The following TMTC1 variants were observed in gnomAD, a reference collection of about 807,000 sequenced individuals.
TMTC1 encodes the protein protein O-mannosyl-transferase TMTC1.
TMTC1 carries 73 observed loss-of-function variants against 104.8 expected under a neutral mutation model. That is an observed-to-expected ratio of 0.70 (90% confidence interval 0.58 to 0.85). The LOEUF (loss-of-function observed/expected upper bound fraction) is 0.85. Ranked by LOEUF, TMTC1 falls within the 40% of genes least tolerant of loss-of-function variation. The pLI is 0.00. For missense variants in TMTC1, 1,035 were observed against 1,096.1 expected (o/e 0.94, Z 0.79); for synonymous variants, 434 against 428.7 (o/e 1.01, Z -0.15).
chr12:29,512,845 G>A (rs1203971777), intron 16 of TMTC1, among the ~76,000 whole-genome samples: 3 of 152,156 alleles, frequency 2.0e-5, no homozygotes, highest in Non-Finnish European at 4.4e-5. Flanking sequence ...GTGGTCACCT[G>A]AAATAAAGCC....
intron 2 of TMTC1, among the ~76,000 whole-genome samples, chr12:29,764,600 T>G (rs1264413996): frequency 2.0e-5 from 3 of 152,204 alleles, no homozygotes; most frequent in Admixed American, 6.5e-5. Flanking sequence ...AAACTTGAAT[T>G]GAAATCCATG....
chr12:29,526,892 AT>A (rs1034758154), intron 11 of TMTC1, among the ~76,000 whole-genome samples: 52 of 152,308 alleles, frequency 3.4e-4, no homozygotes, highest in African/African-American at 1.2e-3. Context: ...GAATCTCATA[AT>A]TTTGGAACAT....
chr12:29,756,157 AT>A (rs1943210632), intron 3 of TMTC1, among the ~76,000 whole-genome samples: 1 of 152,252 alleles, frequency 6.6e-6, no homozygotes, highest in African/African-American at 2.4e-5. Flanking sequence ...ATATGAAAAG[AT>A]GTTTAAGTGA....
chr12:29,567,476 T>C (rs912821355), intron 9 of TMTC1, among the ~76,000 whole-genome samples: 1 of 152,190 alleles, frequency 6.6e-6, no homozygotes, highest in Non-Finnish European at 1.5e-5. Context: ...ACAGCATATA[T>C]ATACTGAGAA....
chr12:29,650,058 C>T (rs903015647), intron 5 of TMTC1, among the ~76,000 whole-genome samples: 8 of 151,584 alleles, frequency 5.3e-5, no homozygotes, highest in African/African-American at 1.9e-4. Flanking sequence ...CATCTTCTTA[C>T]TTAACTTTCT....
rs1012043052 is a variant in TMTC1, at chr12:29,728,736, C to T, written c.938+22930G>A. Among the ~76,000 whole-genome samples, 18 of 151,948 alleles carry T rather than the reference C, an allele frequency of 1.2e-4. No individual in the cohort carries two copies. In the South Asian group the frequency reaches 2.1e-3, roughly 18 times the overall value. On this transcript the variant is annotated intron_variant, in intron 5 of 17. Coordinates refer to ENST00000539277, the MANE Select transcript of TMTC1 (RefSeq NM_001193451.2). ...TGCTCTGGCAAGGCGCAGTGGCTTACGCCTGTAATCTCAGCACTTTGGGAG... is the reference window on the plus strand; with the variant it reads ...TGCTCTGGCAAGGCGCAGTGGCTTATGCCTGTAATCTCAGCACTTTGGGAG...
chr12:29,776,317 T>C (rs1288532740), intron 1 of TMTC1, among the ~76,000 whole-genome samples: 3 of 152,168 alleles, frequency 2.0e-5, no homozygotes, highest in Non-Finnish European at 2.9e-5. Flanking sequence ...CCAATAGAAA[T>C]TCAAAGTCAT....
chr12:29,725,465 C>A (rs1382227170), intron 5 of TMTC1, among the ~76,000 whole-genome samples: 1 of 152,096 alleles, frequency 6.6e-6, no homozygotes, highest in Admixed American at 6.5e-5. Context: ...TCCCAAGTAG[C>A]TGGGATTATA....
intron 6 of TMTC1, among the ~76,000 whole-genome samples, chr12:29,611,522 G>T (rs1331309555): frequency 6.6e-6 from 1 of 152,160 alleles, no homozygotes; most frequent in African/African-American, 2.4e-5. Context: ...CTAGTGAGGA[G>T]ATAAGGTAAT....
At chr12:29,708,077 A>G (rs985060116) in intron 5 of TMTC1, among the ~76,000 whole-genome samples, 3 of 152,374 alleles carry the variant, frequency 2.0e-5, no homozygotes, top group Non-Finnish European at 2.9e-5. Context: ...TATGCCAGGC[A>G]GTGTGCCCAG....
In TMTC1 at chr12:29,505,046, A is replaced by T. The variant is rs1943668214; in HGVS notation, c.*1800T>A. 1 of 152,210 alleles carries T rather than the reference A, an allele frequency of 6.6e-6. No homozygotes were observed. Among genetic ancestry groups the T allele is most frequent in the Admixed American group, 6.5e-5 (1 of 15,280 alleles). The allele number at this position is 152,210 out of a possible 1,614,324, so 9.4% of individuals were successfully genotyped here. On this transcript the variant is annotated 3_prime_UTR_variant, in exon 18 of 18. Transcript: ENST00000539277. ...AAACAAATGGTTGTAGTGGTAACATATACATTCTTGGATTACTGTTGCACA... is the reference window on the plus strand; with the variant it reads ...AAACAAATGGTTGTAGTGGTAACATTTACATTCTTGGATTACTGTTGCACA...
intron 9 of TMTC1, among the ~76,000 whole-genome samples, chr12:29,561,553 T>A (rs117557868): frequency 1.3e-5 from 2 of 152,316 alleles, no homozygotes; most frequent in East Asian, 3.9e-4. Context: ...GTGTGTAAGA[T>A]TTACATACGT....
intron 11 of TMTC1, chr12:29,535,965 C>T: frequency 2.1e-6 from 1 of 468,008 alleles, no homozygotes; most frequent in Non-Finnish European, 3.7e-6. Flanking sequence ...GATTCTGTAC[C>T]AAAGTGAGAG....
intron 5 of TMTC1, among the ~76,000 whole-genome samples, chr12:29,688,824 C>T (rs1300431904): frequency 6.6e-6 from 1 of 152,072 alleles, no homozygotes; most frequent in Non-Finnish European, 1.5e-5. Flanking sequence ...AACCCCCAAC[C>T]CCCTCCCCTA....
rs146162779 is a variant in TMTC1 at position 29,758,712 on chromosome 12, C to T, written c.546G>A (p.Ser182=). The T allele has an allele frequency of 3.4e-5, 55 of 1,613,180 alleles. No individual in the cohort carries two copies. The highest frequency in any genetic ancestry group is 2.1e-4 in the African/African-American group (16 of 74,916). Residue 182 remains serine, a synonymous_variant, in exon 3 of 18, where the codon TCG becomes TCA. Transcript: ENST00000539277. ...TTCTTAGCTACACATACCTGTTGTACGAGAGAAAGGCCAATAGAAACAGCA... is the reference window on the plus strand; with the variant it reads ...TTCTTAGCTACACATACCTGTTGTATGAGAGAAAGGCCAATAGAAACAGCA... The part of the protein sequence containing the change: ...ACLLFLLAFL[S]YNRSLDQGCV...
rs551921707 is a variant in TMTC1, at chr12:29,505,084, T to A, written c.*1762A>T. On this transcript the variant is annotated 3_prime_UTR_variant, in exon 18 of 18. Coordinates refer to ENST00000539277, the MANE Select transcript of TMTC1 (RefSeq NM_001193451.2). ...TTACTGTTGCACACAAAGAGATGCA[T>A]GCTAATTCAAATTCTGTAATCATTT... The A allele has an allele frequency of 1.3e-5, 2 of 152,298 alleles. No individual in the cohort carries two copies. Among genetic ancestry groups the A allele is most frequent in the South Asian group, 4.2e-4 (2 of 4,818 alleles). 9.4% of individuals were successfully genotyped at this position (152,298 alleles called of 1,614,324 possible).
At chr12:29,726,548 C>G (rs1212281915) in intron 5 of TMTC1, among the ~76,000 whole-genome samples, 1 of 152,182 alleles carries the variant, frequency 6.6e-6, no homozygotes, top group African/African-American at 2.4e-5. Context: ...AACAGAGGTA[C>G]AGACCGACTG....
intron 5 of TMTC1, among the ~76,000 whole-genome samples, chr12:29,667,688 C>A (rs548642634): frequency 9.4e-4 from 143 of 152,228 alleles, no homozygotes; most frequent in African/African-American, 3.2e-3. Flanking sequence ...ACTTAGAGGA[C>A]CTTATTTTTA....
At chr12:29,531,073 A>G (rs1475047402) in intron 11 of TMTC1, among the ~76,000 whole-genome samples, 2 of 152,148 alleles carry the variant, frequency 1.3e-5, no homozygotes, top group Non-Finnish European at 2.9e-5. Context: ...GGAGGGAGCT[A>G]TAAATCTTTG....
Sources: allele counts gnomAD v4.1 joint callset (sites outside exome capture counted in the v4.1 genomes callset), GRCh38; gene constraint gnomAD v4.1.1; transcripts MANE v1.5; gene names NCBI Gene and HGNC (gene_info 2026-07-23, HGNC 2026-07-21).